The following LUZP2 variants were observed in gnomAD, a reference collection of about 807,000 sequenced individuals.
LUZP2 encodes leucine zipper protein 2.
A neutral mutation model predicts 51.6 loss-of-function variants in LUZP2; 52 were observed. The ratio of observed to expected loss-of-function variants is 1.01; its 90% CI spans 0.81 to 1.27. The LOEUF (loss-of-function observed/expected upper bound fraction) is 1.27, where lower values mean the gene tolerates loss of function less well. Among genes scored for constraint, LUZP2 ranks in the 50% most tolerant of loss-of-function variants. LUZP2 has a pLI of 0.00. For synonymous variants in LUZP2, 154 were observed against 137.3 expected (o/e 1.12, Z -0.85); for missense variants, 436 against 395.4 (o/e 1.10, Z -0.87).
chr11:24,963,627 TA>T (rs1389809895), intron 7 of LUZP2, among the ~76,000 whole-genome samples: 1 of 152,158 alleles, frequency 6.6e-6, no homozygotes. Context: ...AAAGGCGCAG[TA>T]TTCGGGTGGG....
chr11:24,540,935 T>C (rs1376958515), intron 1 of LUZP2, among the ~76,000 whole-genome samples: 2 of 152,036 alleles, frequency 1.3e-5, no homozygotes, highest in Non-Finnish European at 2.9e-5. Context: ...ATTCCAAAGA[T>C]GTAAACGTGA....
chr11:24,640,957 G>GTATAGATATAGATATAGA lies in LUZP2; in HGVS notation c.63-88171_63-88154dup, dbSNP rs72192382. Among the ~76,000 whole-genome samples the GTATAGATATAGATATAGA allele has an allele frequency of 4.3e-4, 63 of 145,294 alleles. 1 individual carries two copies. The East Asian group carries it at 8.9e-3, about 21-fold the overall frequency. ...TGTATGTATGTGTATATCTATATCT[G>GTATAGATATAGATATAGA]TATAGATATAGATATAGATATAGAT... is the stretch of plus-strand genomic sequence containing the variant. On this transcript the variant is annotated intron_variant, in intron 1 of 11. Transcript: ENST00000336930.
intron 5 of LUZP2, among the ~76,000 whole-genome samples, chr11:24,877,969 T>C (rs1852326537): frequency 1.3e-5 from 2 of 152,180 alleles, no homozygotes; most frequent in South Asian, 4.1e-4. Context: ...CAGTACTCCA[T>C]TGTGTATATA....
chr11:24,595,299 T>A (rs1271279032), intron 1 of LUZP2, among the ~76,000 whole-genome samples: 2 of 151,992 alleles, frequency 1.3e-5, no homozygotes, highest in African/African-American at 4.8e-5. Flanking sequence ...ATTTTACAGA[T>A]CCGGATACCC....
At chr11:24,639,282 G>A (rs1469328196) in intron 1 of LUZP2, among the ~76,000 whole-genome samples, 4 of 151,614 alleles carry the variant, frequency 2.6e-5, no homozygotes, top group Admixed American at 6.6e-5. Flanking sequence ...ATGGGTCATA[G>A]TGATTTTCTC....
At chr11:24,835,228 A>G (rs1355318928) in intron 5 of LUZP2, among the ~76,000 whole-genome samples, 1 of 152,190 alleles carries the variant, frequency 6.6e-6, no homozygotes, top group Non-Finnish European at 1.5e-5. Flanking sequence ...CTATTTAATA[A>G]ATGGTACTGA....
chr11:24,964,374 G>T (rs921165667), intron 7 of LUZP2, among the ~76,000 whole-genome samples: 2 of 152,174 alleles, frequency 1.3e-5, no homozygotes, highest in African/African-American at 4.8e-5. Context: ...CAGGATGTAT[G>T]TGGGATAACC....
At chr11:24,821,580 T>C (rs953895864) in intron 5 of LUZP2, among the ~76,000 whole-genome samples, 14 of 152,154 alleles carry the variant, frequency 9.2e-5, no homozygotes, top group African/African-American at 3.4e-4. Flanking sequence ...AAGATTCATG[T>C]TAGTAAACAT....
chr11:24,892,500 A>G, intron 5 of LUZP2: 1 of 640,558 alleles, frequency 1.6e-6, no homozygotes, highest in Non-Finnish European at 1.9e-6. Flanking sequence ...TTTCTCTTCA[A>G]TAAAGCGTAT....
At chr11:24,926,247 ATATATACGTGTGTG>A (rs1288856129) in intron 7 of LUZP2, among the ~76,000 whole-genome samples, 4 of 146,866 alleles carry the variant, frequency 2.7e-5, no homozygotes, top group East Asian at 2.0e-4. Context: ...GTGTGTGTAT[ATATATACGTGTGTG>A]TATATATATA....
chr11:24,566,932 T>A (rs1194735119), intron 1 of LUZP2, among the ~76,000 whole-genome samples: 32 of 2,282 alleles, frequency 0.014, no homozygotes, highest in Non-Finnish European at 0.021. Flanking sequence ...TATATGTATA[T>A]ATATATACAT....
chr11:25,020,474 A>G (rs1373110466), intron 9 of LUZP2, among the ~76,000 whole-genome samples: 2 of 152,044 alleles, frequency 1.3e-5, no homozygotes, highest in African/African-American at 2.4e-5. Flanking sequence ...TTTAGGGCAA[A>G]GCTCCATTCT....
At chr11:24,698,520 CT>C (rs1565084046) in intron 1 of LUZP2, among the ~76,000 whole-genome samples, 3 of 152,112 alleles carry the variant, frequency 2.0e-5, no homozygotes, top group African/African-American at 7.2e-5. Context: ...TTTGATCTCT[CT>C]TGTTTAAAAT....
chr11:24,967,878 G>A (rs1855633458), intron 7 of LUZP2, among the ~76,000 whole-genome samples: 2 of 151,998 alleles, frequency 1.3e-5, no homozygotes, highest in Admixed American at 6.6e-5. Context: ...AGTCTTGTGT[G>A]TGACTTTGAA....
intron 1 of LUZP2, among the ~76,000 whole-genome samples, chr11:24,631,895 G>T (rs1423724503): frequency 6.6e-6 from 1 of 151,828 alleles, no homozygotes; most frequent in Non-Finnish European, 1.5e-5. Flanking sequence ...TTTGGAGAAT[G>T]CAAATTAATA....
intron 5 of LUZP2, among the ~76,000 whole-genome samples, chr11:24,815,986 C>T (rs1850168444): frequency 8.2e-6 from 1 of 121,294 alleles, no homozygotes; most frequent in Non-Finnish European, 1.7e-5. Flanking sequence ...TCTCTTTCAT[C>T]TCTTATCTTC....
rs147704854 is a variant in LUZP2, at chr11:24,989,017, G to T, written c.765+5724G>T. Among the ~76,000 whole-genome samples, 1,180 of 151,532 alleles carry T rather than the reference G, an allele frequency of 7.8e-3. 15 individuals carry two copies. Among genetic ancestry groups the T allele is most frequent in the African/African-American group, 0.024 (993 of 41,282 alleles). ...CCATAGGAGGCCGGAAGAGCCATCA[G>T]GCCCCAGTGCAGATCTGATCATTCT... On this transcript the variant is annotated intron_variant, in intron 9 of 11. Transcript: ENST00000336930.
intron 5 of LUZP2, among the ~76,000 whole-genome samples, chr11:24,806,510 A>T (rs557348401): frequency 1.3e-5 from 2 of 152,282 alleles, no homozygotes; most frequent in East Asian, 3.9e-4. Context: ...AATAAAATCC[A>T]ATTGCTTATT....
At chr11:24,842,920 A>C (rs1851082138) in intron 5 of LUZP2, among the ~76,000 whole-genome samples, 1 of 151,908 alleles carries the variant, frequency 6.6e-6, no homozygotes, top group Non-Finnish European at 1.5e-5. Flanking sequence ...AATAGAGAAA[A>C]AAATAAATTG....
Sources: gnomAD v4.1 joint callset for allele counts (sites outside exome capture counted in the v4.1 genomes callset) on GRCh38, gnomAD v4.1.1 for gene constraint, MANE v1.5 for transcripts, NCBI Gene and HGNC (gene_info 2026-07-23, HGNC 2026-07-21) for gene names.